The following INTS11 variants were observed in gnomAD, a reference collection of about 807,000 sequenced individuals.
INTS11 encodes the protein integrator complex subunit 11, also known as CPSF3-like protein.
Under a neutral mutation model 78.6 loss-of-function variants are expected in INTS11, and 77 were observed. That is an observed-to-expected ratio of 0.98 (90% CI 0.81 to 1.18). The LOEUF (loss-of-function observed/expected upper bound fraction) is 1.18, where lower values mean the gene tolerates loss of function less well. INTS11 is among the 50% of genes most tolerant of loss of function. The pLI is 0.00. For missense variants in INTS11, 875 were observed against 825.9 expected (o/e 1.06, Z -0.73); for synonymous variants, 441 against 326.9 (o/e 1.35, Z -3.77).
chr1:1,321,135 C>T, intron 1 of INTS11, 42 bp from the exon 2 acceptor site: 5 of 1,492,320 alleles, frequency 3.4e-6, no homozygotes, highest in Non-Finnish European at 4.6e-6. Context: ...GCGCCCCCCG[C>T]CCCCTGTGCT....
intron 6 of INTS11, 123 bp from the exon 7 acceptor site, chr1:1,315,085 G>A: frequency 8.1e-7 from 1 of 1,233,420 alleles, no homozygotes; most frequent in Non-Finnish European, 1.1e-6. Context: ...TGGCTGGAAA[G>A]AGCCAGCTGG....
In INTS11 at chr1:1,312,230, T is replaced by C; in HGVS notation, c.1603A>G (p.Lys535Glu). 1 of 1,425,896 alleles carries C rather than the reference T, an allele frequency of 7.0e-7. No homozygotes were observed. The highest frequency in any genetic ancestry group is 9.5e-7 in the Non-Finnish European group (1 of 1,054,542). 88.3% of individuals were successfully genotyped at this position (1,425,896 alleles called of 1,614,324 possible). A position where few individuals can be genotyped will look rare whatever the true frequency, so the allele number is the denominator to read the frequency against. ...ETALRVYSHL[K>E]SVLKDHCVQH... ...GGGGCGGGGCCGGGCGCCCACCTCT[T>C]GAGGTGGCTGTAGACGCGCAATGCC... Residue 535 changes from lysine (K) to glutamate (E), a missense_variant, in exon 15 of 17, where the codon AAG (lysine) becomes GAG (glutamate). By Grantham distance (56) the Lys-to-Glu change is moderately conservative. Transcript: ENST00000435064.
chr1:1,320,609 C>G (rs1570737828), intron 2 of INTS11, 80 bp from the exon 3 acceptor site: 3 of 1,431,750 alleles, frequency 2.1e-6, no homozygotes, highest in African/African-American at 1.4e-5. Context: ...AGGGAGGGGC[C>G]CCCAGGAAGG....
chr1:1,312,196 A>ACTGGG (rs1642224767), intron 15 of INTS11, 30 bp downstream of exon 15: 2 of 1,137,624 alleles, frequency 1.8e-6, no homozygotes, highest in Non-Finnish European at 2.1e-6. Context: ...GGCCCAAGGG[A>ACTGGG]GTGGGGGGGG....
In INTS11 at chr1:1,314,017, G is replaced by T; in HGVS notation, c.768-96C>A. 1 of 1,279,018 alleles carries T rather than the reference G, an allele frequency of 7.8e-7. No homozygotes were observed. Among genetic ancestry groups the T allele is most frequent in the Non-Finnish European group, 1.1e-6 (1 of 904,742 alleles). The allele number at this position is 1,279,018 out of a possible 1,614,324, so 79.2% of individuals were successfully genotyped here. ...CACCCCCAACACCCGTGTCTGCACA[G>T]CCCACGCACGGGCCAGGTTGAGTCC... On this transcript the variant is annotated intron_variant, in intron 8 of 16. Transcript: ENST00000435064. The surrounding 1 kb of genome is among the most constrained non-coding windows in gnomAD (Gnocchi z 4.2).
chr1:1,318,911 C>T, intron 4 of INTS11: 1 of 712,950 alleles, frequency 1.4e-6, no homozygotes, highest in African/African-American at 1.7e-5. Context: ...CCAGAGCTGG[C>T]CCATCTCCCC....
At chr1:1,315,666 GCGGGGAGTGAGGGAGGCGGGGGA>G (rs967861614) in intron 4 of INTS11, 48 bp from the exon 5 acceptor site, 2 of 1,405,208 alleles carry the variant, frequency 1.4e-6, no homozygotes, top group Non-Finnish European at 2.0e-6. Flanking sequence ...CAGCAGAGGG[GCGGGGAGTGAGGGAGGCGGGGGA>G]CGGGAAGCGC....
chr1:1,320,939 T>C (rs1642909197), intron 2 of INTS11, 57 bp downstream of exon 2: 1 of 1,460,004 alleles, frequency 6.8e-7, no homozygotes, highest in Non-Finnish European at 9.6e-7. Context: ...AGGCCCAGGG[T>C]CCAGCTGTGG....
In INTS11 at chr1:1,319,494, G is replaced by A; in HGVS notation, c.231C>T (p.Leu77=). The A allele has an allele frequency of 6.3e-7, 1 of 1,598,664 alleles. No homozygotes were observed. Among genetic ancestry groups the A allele is most frequent in the South Asian group, 1.1e-5 (1 of 88,672 alleles). ...AGCCCACCATCTCGCTGAAGTAGGG[G>A]AGTGCCCCGCAGTGGTCCAGGTGGA... The part of the protein sequence containing the change: ...SHFHLDHCGA[L]PYFSEMVGYD... The change falls in exon 4 of 17, where the codon CTC becomes CTT. Residue 77 remains leucine, a synonymous_variant. Transcript: ENST00000435064.
chr1:1,324,647 C>CGGT lies in INTS11; in HGVS notation c.-42_-40dup. ...CTCCCGGACCCGCGAGGCCCGCCTG[C>CGGT]GGTGATGCACTGCGCAGGCGCAACC... On this transcript the variant is annotated 5_prime_UTR_variant, in exon 1 of 17. Transcript: ENST00000435064. 1.3e-6 allele frequency: 2 copies of CGGT among 1,594,810 alleles called. No homozygotes were observed. Among genetic ancestry groups the CGGT allele is most frequent in the Non-Finnish European group, 1.7e-6 (2 of 1,172,418 alleles).
intron 3 of INTS11, 118 bp downstream of exon 3, chr1:1,320,338 C>G (rs1002628981): frequency 1.1e-6 from 1 of 898,642 alleles, no homozygotes; most frequent in Non-Finnish European, 1.8e-6. Flanking sequence ...GGCCTAGAAG[C>G]CCCCTGAGGA....
At position 1,313,898 on chromosome 1, in the gene INTS11, G is replaced by A; in HGVS notation, c.791C>T (p.Pro264Leu). ...TFWERMNLKVPIYFSTGLTEK... is the reference protein window; with the variant it reads ...TFWERMNLKVLIYFSTGLTEK... Reference sequence around the variant, plus strand: ...GGTCAGCCCCGTGGAGAAGTAGATGGGCACCTTCAGGTTCATGCGCTCCCT... The same window carrying A: ...GGTCAGCCCCGTGGAGAAGTAGATGAGCACCTTCAGGTTCATGCGCTCCCT... Residue 264 changes from proline to leucine, a missense_variant, in exon 9 of 17, where the codon CCC (proline) becomes CTC (leucine). Transcript: ENST00000435064. 6.2e-7 allele frequency: 1 copy of A among 1,612,824 alleles called. No homozygotes were observed. The highest frequency in any genetic ancestry group is 8.5e-7 in the Non-Finnish European group (1 of 1,179,818).
At position 1,313,886 on chromosome 1, in the gene INTS11, GAGA is replaced by G; in HGVS notation, c.800_802del (p.Phe267del). On this transcript the variant is annotated inframe_deletion, in exon 9 of 17. Coordinates refer to ENST00000435064, the MANE Select transcript of INTS11 (RefSeq NM_017871.6). ...GTTGGCCTTCTCGGTCAGCCCCGTG[GAGA>G]AGTAGATGGGCACCTTCAGGTTCAT... The G allele has an allele frequency of 1.2e-6, 2 of 1,613,058 alleles. No individual in the cohort carries two copies. The highest frequency in any genetic ancestry group is 1.7e-6 in the Non-Finnish European group (2 of 1,179,920).
chr1:1,322,904 G>A, intron 1 of INTS11: 1 of 1,278,712 alleles, frequency 7.8e-7, no homozygotes, highest in Non-Finnish European at 9.9e-7. Context: ...TGGCTGAGGT[G>A]ACCTTGAGAA....
chr1:1,313,218 G>A (rs1642348668), intron 10 of INTS11, 94 bp from the exon 11 acceptor site: 1 of 1,398,702 alleles, frequency 7.1e-7, no homozygotes, highest in Non-Finnish European at 9.8e-7. Flanking sequence ...CCTGGAAGCT[G>A]TTTCCACCTG....
chr1:1,321,837 G>C, intron 1 of INTS11: 1 of 1,144,942 alleles, frequency 8.7e-7, no homozygotes, highest in Non-Finnish European at 1.1e-6. Flanking sequence ...AAGGGTCACG[G>C]CCCCTGCACA....
intron 1 of INTS11, among the ~76,000 whole-genome samples, chr1:1,324,299 C>T (rs1643201936): frequency 6.6e-6 from 1 of 152,018 alleles, no homozygotes; most frequent in Non-Finnish European, 1.5e-5. Flanking sequence ...AAGGCACCGA[C>T]GAAAGCGCAC....
In INTS11 at chr1:1,312,580, C is replaced by G. The variant is rs374497541; in HGVS notation, c.1402+13G>C. 6.3e-6 allele frequency: 10 copies of G among 1,578,314 alleles called. No individual in the cohort carries two copies. In the African/African-American group the frequency reaches 1.3e-4, roughly 21 times the overall value. On this transcript the variant is annotated intron_variant, in intron 13 of 16. Transcript: ENST00000435064. ...CCCCGAGCACCCTGCCCTGCCCTGC[C>G]CAGCCCGCATACCCTGCGCCATCTC...
Position 1,312,213 on chromosome 1 carries a change from G to GGCGGGGGCCCCCCCCCCCCCCC in INTS11, c.1607+12_1607+13insGGGGGGGGGGGGGGGCCCCCGC. The GGCGGGGGCCCCCCCCCCCCCCC allele has an allele frequency of 1.1e-6, 1 of 934,624 alleles. No individual in the cohort carries two copies. The highest frequency in any genetic ancestry group is 1.6e-6 in the Non-Finnish European group (1 of 636,674). The allele number at this position is 934,624 out of a possible 1,614,324, so 57.9% of individuals were successfully genotyped here. On this transcript the variant is annotated intron_variant, in intron 15 of 16. Coordinates refer to ENST00000435064, the MANE Select transcript of INTS11 (RefSeq NM_017871.6). Reference sequence around the variant, plus strand: ...CCCAAGGGAGTGGGGGGGGGGCGGGGCCGGGCGCCCACCTCTTGAGGTGGC... The same window carrying GGCGGGGGCCCCCCCCCCCCCCC: ...CCCAAGGGAGTGGGGGGGGGGCGGGGGCGGGGGCCCCCCCCCCCCCCCCCGGGCGCCCACCTCTTGAGGTGGC...
Sources: allele counts gnomAD v4.1 joint callset (sites outside exome capture counted in the v4.1 genomes callset), GRCh38; gene constraint gnomAD v4.1.1; non-coding constraint Gnocchi (gnomAD v3.1); transcripts MANE v1.5; gene names NCBI Gene and HGNC (gene_info 2026-07-23, HGNC 2026-07-21).